RSBN1L: variants seen among roughly 807,000 people sequenced by gnomAD.
RSBN1L encodes the protein lysine-specific demethylase RSBN1L.
In RSBN1L, 30 loss-of-function variants were observed where a neutral mutation model predicts 67.7. The ratio of observed to expected loss-of-function variants is 0.44; its 90% confidence interval spans 0.33 to 0.60. The LOEUF (loss-of-function observed/expected upper bound fraction) is 0.60. Among genes scored for constraint, RSBN1L ranks in the 20% least tolerant of loss-of-function variants. RSBN1L has a pLI of 0.02. For missense variants in RSBN1L, 992 were observed against 1,031.7 expected, an observed-to-expected ratio of 0.96 and a Z score of 0.53; for synonymous variants, 433 against 387.0, an observed-to-expected ratio of 1.12 and a Z score of -1.39.
intron 4 of RSBN1L, 125 bp downstream of exon 4, chr7:77,765,757 CA>C (rs1049267865): frequency 4.7e-5 from 32 of 683,480 alleles, no homozygotes; most frequent in Non-Finnish European, 6.9e-5. Context: ...ATGGCTGTTT[CA>C]GAAATAGAAA....
At chr7:77,742,146 G>A (rs1791418571) in intron 2 of RSBN1L, among the ~76,000 whole-genome samples, 1 of 134,838 alleles carries the variant, frequency 7.4e-6, no homozygotes, top group African/African-American at 3.0e-5. Context: ...CCTGGGCAAC[G>A]TGGCAAGAAC....
At position 77,780,205 on chromosome 7, in the gene RSBN1L, G is replaced by C. The variant is rs951469423; in HGVS notation, c.*1037G>C. 6.6e-6 allele frequency: 1 copy of C among 151,646 alleles called. No individual in the cohort carries two copies. Among genetic ancestry groups the C allele is most frequent in the African/African-American group, 2.4e-5 (1 of 41,234 alleles). 9.4% of individuals were successfully genotyped at this position (151,646 alleles called of 1,614,324 possible). ...CGTGTGTGTGAATGTGTATATATAT[G>C]TATATATATATCATATTTTGCATAA... On this transcript the variant is annotated 3_prime_UTR_variant, in exon 8 of 8. Coordinates refer to ENST00000334955, the MANE Select transcript of RSBN1L (RefSeq NM_198467.3).
intron 1 of RSBN1L, among the ~76,000 whole-genome samples, chr7:77,715,498 G>A (rs771107227): frequency 2.0e-5 from 3 of 151,918 alleles, no homozygotes; most frequent in Non-Finnish European, 4.4e-5. Context: ...AGTCAAGATG[G>A]GGGGCTCACC....
At chr7:77,744,122 A>G (rs574552085) in intron 2 of RSBN1L, among the ~76,000 whole-genome samples, 1 of 151,706 alleles carries the variant, frequency 6.6e-6, no homozygotes, top group East Asian at 1.9e-4. Flanking sequence ...TCCTCAACCT[A>G]CTGTGCTCAA....
chr7:77,696,917 G>A lies in RSBN1L; in HGVS notation c.448G>A (p.Ala150Thr). 6.2e-7 allele frequency: 1 copy of A among 1,602,668 alleles called. No homozygotes were observed. Among genetic ancestry groups the A allele is most frequent in the East Asian group, 2.2e-5 (1 of 44,668 alleles). Residue 150 changes from alanine (A) to threonine (T), a missense_variant, in exon 1 of 8, where the codon GCT becomes ACT. Coordinates refer to ENST00000334955, the MANE Select transcript of RSBN1L (RefSeq NM_198467.3). ...TCTCCTCCTGCCCGCCGCCGCCGCC[G>A]CTGCCTCGGCTAACGCCAAGTCGCG... ...HHLLLPAAAA[A>T]ASANAKSRRP...
At chr7:77,765,992 ATT>A (rs1331480093) in intron 4 of RSBN1L, among the ~76,000 whole-genome samples, 4 of 152,184 alleles carry the variant, frequency 2.6e-5, no homozygotes, top group Non-Finnish European at 5.9e-5. Flanking sequence ...TACAGGAAGG[ATT>A]CTACTACAAA....
Position 77,759,255 on chromosome 7 carries a change from G to T in RSBN1L, c.1345-6240G>T, listed in dbSNP as rs920846069. ...TTTTGACCAATTGTGCCTGCCCCAT[G>T]CTCCCCAAATACTTAAGAACTGATC... On this transcript the variant is annotated intron_variant, in intron 3 of 7. Transcript: ENST00000334955. Among the ~76,000 whole-genome samples the T allele has an allele frequency of 5.9e-5, 9 of 152,110 alleles. 1 individual carries two copies. The highest frequency in any genetic ancestry group is 2.2e-4 in the African/African-American group (9 of 41,428).
intron 1 of RSBN1L, among the ~76,000 whole-genome samples, chr7:77,716,771 A>G (rs1009792269): frequency 6.6e-6 from 1 of 150,842 alleles, no homozygotes; most frequent in African/African-American, 2.4e-5. Context: ...AGCTGGGATT[A>G]CAGGCGTGCA....
chr7:77,776,349 A>C lies in RSBN1L; in HGVS notation c.1794-1989A>C, dbSNP rs770569964. 5.3e-5 allele frequency among the ~76,000 whole-genome samples: 8 copies of C among 152,320 alleles called. No individual in the cohort carries two copies. The East Asian group carries it at 1.5e-3, about 29-fold the overall frequency. On this transcript the variant is annotated intron_variant, in intron 6 of 7. Coordinates refer to ENST00000334955, the MANE Select transcript of RSBN1L (RefSeq NM_198467.3). The stretch of plus-strand genomic sequence containing the variant: ...TTTTAGTATATTCACAGAGTTATGC[A>C]ACCACCACCAAAACGATAGAACATT...
chr7:77,702,848 A>G (rs1349742283), intron 1 of RSBN1L, among the ~76,000 whole-genome samples: 1 of 152,206 alleles, frequency 6.6e-6, no homozygotes, highest in East Asian at 1.9e-4. Flanking sequence ...TATAATGGAA[A>G]GAAAAATCTC....
chr7:77,763,433 A>G (rs986877550), intron 3 of RSBN1L, among the ~76,000 whole-genome samples: 5 of 152,204 alleles, frequency 3.3e-5, no homozygotes, highest in African/African-American at 1.2e-4. Flanking sequence ...ATCACTTAAC[A>G]GACTTGATGT....
rs1791957044 is a variant in RSBN1L, at chr7:77,778,971, G to A, written c.2344G>A (p.Asp782Asn). The stretch of plus-strand genomic sequence containing the variant: ...AAAGACTACAGCACTGAATAATATG[G>A]ATGGCAAGAATGTTAAAGCAAAATT... ...PEKTTALNNM[D>N]GKNVKAKLDH... Residue 782 changes from aspartate to asparagine, a missense_variant, in exon 8 of 8, where the codon GAT (aspartate) becomes AAT (asparagine). This residue lies in a region of RSBN1L where 199 missense variants were observed against 167.7 expected (regional missense o/e 1.19). Coordinates refer to ENST00000334955, the MANE Select transcript of RSBN1L (RefSeq NM_198467.3). The A allele has an allele frequency of 1.2e-6, 2 of 1,613,932 alleles. No homozygotes were observed. The highest frequency in any genetic ancestry group is 1.7e-6 in the Non-Finnish European group (2 of 1,179,888).
chr7:77,713,501 CG>C, intron 1 of RSBN1L, among the ~76,000 whole-genome samples: 1 of 151,960 alleles, frequency 6.6e-6, no homozygotes, highest in African/African-American at 2.4e-5. Flanking sequence ...GGACTACAGG[CG>C]CCCGCCACCA....
chr7:77,737,854 C>T (rs1791357384), intron 2 of RSBN1L, among the ~76,000 whole-genome samples: 1 of 152,006 alleles, frequency 6.6e-6, no homozygotes, highest in Admixed American at 6.6e-5. Context: ...GAAACCTCGT[C>T]TCTACTAAAA....
Position 77,782,959 on chromosome 7 carries a change from T to C in RSBN1L, c.*3791T>C, listed in dbSNP as rs1792018033. 1.3e-5 allele frequency: 2 copies of C among 152,232 alleles called. No homozygotes were observed. The highest frequency in any genetic ancestry group is 2.9e-5 in the Non-Finnish European group (2 of 68,022). The allele number at this position is 152,232 out of a possible 1,614,324, so 9.4% of individuals were successfully genotyped here. Reference sequence around the variant, plus strand: ...TTAGCAAAGGTGCAACATTTGTTTTTGGAGTTTGAGAGATATTTTCCTTGT... The same window carrying C: ...TTAGCAAAGGTGCAACATTTGTTTTCGGAGTTTGAGAGATATTTTCCTTGT... On this transcript the variant is annotated 3_prime_UTR_variant, in exon 8 of 8. Coordinates refer to ENST00000334955, the MANE Select transcript of RSBN1L (RefSeq NM_198467.3).
At chr7:77,699,418 C>T (rs1408355733) in intron 1 of RSBN1L, among the ~76,000 whole-genome samples, 1 of 152,190 alleles carries the variant, frequency 6.6e-6, no homozygotes, top group Non-Finnish European at 1.5e-5. Context: ...GTCAGAACTG[C>T]TTTATTTTTA....
intron 3 of RSBN1L, among the ~76,000 whole-genome samples, chr7:77,755,636 T>C (rs1258284544): frequency 4.6e-5 from 7 of 151,158 alleles, no homozygotes; most frequent in African/African-American, 1.7e-4. Flanking sequence ...CATTGCACTC[T>C]AGCTTGGGTG....
intron 2 of RSBN1L, among the ~76,000 whole-genome samples, chr7:77,737,971 T>A (rs1562801204): frequency 6.6e-6 from 1 of 150,556 alleles, no homozygotes; most frequent in African/African-American, 2.4e-5. Flanking sequence ...TGCAGTGAGC[T>A]GAGATCACCC....
chr7:77,747,617 G>A (rs1232758363), intron 2 of RSBN1L, among the ~76,000 whole-genome samples: 2 of 152,216 alleles, frequency 1.3e-5, no homozygotes, highest in Non-Finnish European at 2.9e-5. Context: ...AGGCTTGGGA[G>A]CTTCCACCTA....
Sources: allele counts gnomAD v4.1 joint callset (sites outside exome capture counted in the v4.1 genomes callset), GRCh38; gene constraint gnomAD v4.1.1; regional missense constraint gnomAD v4.1.1; transcripts MANE v1.5; gene names NCBI Gene and HGNC (gene_info 2026-07-23, HGNC 2026-07-21).